DOK6: variants seen among roughly 807,000 people sequenced by gnomAD.
The protein encoded by DOK6 is docking protein 6.
A neutral mutation model predicts 44.0 loss-of-function variants in DOK6; 22 were observed. The ratio of observed to expected loss-of-function variants is 0.50; its 90% CI spans 0.36 to 0.71. The LOEUF (loss-of-function observed/expected upper bound fraction) is 0.71. Ranked by LOEUF, DOK6 falls within the 30% of genes least tolerant of loss-of-function variation. The pLI is 0.00. For synonymous variants in DOK6, 166 were observed against 145.5 expected (o/e 1.14, Z -1.01); for missense variants, 340 against 416.4 (o/e 0.82, Z 1.60).
At chr18:69,585,788 T>C (rs1163666052) in intron 2 of DOK6, among the ~76,000 whole-genome samples, 2 of 152,242 alleles carry the variant, frequency 1.3e-5, no homozygotes, top group Admixed American at 6.5e-5. Context: ...ATAACATTCA[T>C]AGACTGATAC....
chr18:69,595,170 A>T (rs1443684465), intron 2 of DOK6, among the ~76,000 whole-genome samples: 1 of 152,198 alleles, frequency 6.6e-6, no homozygotes, highest in Non-Finnish European at 1.5e-5. Flanking sequence ...TGACCATACT[A>T]CTCAAAGCAA....
intron 1 of DOK6, among the ~76,000 whole-genome samples, chr18:69,563,437 A>G (rs1982889452): frequency 6.6e-6 from 1 of 152,158 alleles, no homozygotes; most frequent in Admixed American, 6.5e-5. Flanking sequence ...TGAAGAAAAT[A>G]TGGCACATAT....
intron 3 of DOK6, among the ~76,000 whole-genome samples, chr18:69,611,495 T>TACACACACACAC (rs58620722): frequency 9.6e-4 from 145 of 150,920 alleles, no homozygotes; most frequent in African/African-American, 3.0e-3. Flanking sequence ...CAAGTACACG[T>TACACACACACAC]ACACACACAC....
intron 7 of DOK6, among the ~76,000 whole-genome samples, chr18:69,765,393 G>T (rs1979686478): frequency 6.6e-6 from 1 of 152,130 alleles, no homozygotes. Context: ...CTTAAGAAAG[G>T]TATGTCAAAG....
intron 1 of DOK6, among the ~76,000 whole-genome samples, chr18:69,537,395 C>T (rs1327373795): frequency 6.6e-6 from 1 of 152,266 alleles, no homozygotes; most frequent in African/African-American, 2.4e-5. Flanking sequence ...ACGGCCCTTT[C>T]TTCAGTGAGT....
rs192664961 is a variant in DOK6, at chr18:69,497,165, C to T, written c.67-67322C>T. Among the ~76,000 whole-genome samples the T allele has an allele frequency of 4.3e-4, 65 of 152,226 alleles. 1 individual carries two copies. In the South Asian group the frequency reaches 0.013, roughly 30 times the overall value. ...TGCAGATTAGGGTAAATATGTAATCCTTCTAAAATATTGCCTGGAAAGCTA... is the reference window on the plus strand; with the variant it reads ...TGCAGATTAGGGTAAATATGTAATCTTTCTAAAATATTGCCTGGAAAGCTA... On this transcript the variant is annotated intron_variant, in intron 1 of 7. Transcript: ENST00000382713.
rs562410324 is a variant in DOK6 at position 69,695,373 on chromosome 18, G to A, written c.410-3031G>A. 5.3e-5 allele frequency among the ~76,000 whole-genome samples: 8 copies of A among 152,288 alleles called. No homozygotes were observed. The East Asian group carries it at 5.8e-4, about 11-fold the overall frequency. Reference sequence around the variant, plus strand: ...ACCAGTGGTATAGGAAATAAAAACCGAACATGGGTTCTTAAATTTAAAAAG... The same window carrying A: ...ACCAGTGGTATAGGAAATAAAAACCAAACATGGGTTCTTAAATTTAAAAAG... On this transcript the variant is annotated intron_variant, in intron 4 of 7. Coordinates refer to ENST00000382713, the MANE Select transcript of DOK6 (RefSeq NM_152721.6).
At chr18:69,618,845 G>C (rs1269549218) in intron 3 of DOK6, among the ~76,000 whole-genome samples, 1 of 152,040 alleles carries the variant, frequency 6.6e-6, no homozygotes, top group Non-Finnish European at 1.5e-5. Flanking sequence ...ACTTTGTTTT[G>C]AACACAAGTG....
At chr18:69,580,920 G>T (rs1054919546) in intron 2 of DOK6, among the ~76,000 whole-genome samples, 1 of 152,026 alleles carries the variant, frequency 6.6e-6, no homozygotes, top group African/African-American at 2.4e-5. Flanking sequence ...CAGTGAGAAC[G>T]TGTGGTATTA....
intron 1 of DOK6, among the ~76,000 whole-genome samples, chr18:69,428,532 A>C (rs542248237): frequency 1.6e-4 from 25 of 152,194 alleles, no homozygotes; most frequent in Non-Finnish European, 2.9e-4. Context: ...TTGGGCCCCA[A>C]TAAGGATTAA....
chr18:69,725,660 G>A (rs1293102860), intron 5 of DOK6, among the ~76,000 whole-genome samples: 1 of 152,008 alleles, frequency 6.6e-6, no homozygotes, highest in Non-Finnish European at 1.5e-5. Context: ...GCCAATTTTT[G>A]TATTTTTAGT....
chr18:69,577,270 T>C (rs1680626546), intron 2 of DOK6, among the ~76,000 whole-genome samples: 1 of 152,162 alleles, frequency 6.6e-6, no homozygotes, highest in Non-Finnish European at 1.5e-5. Flanking sequence ...TACCCTCATT[T>C]TGATTCCACG....
intron 1 of DOK6, among the ~76,000 whole-genome samples, chr18:69,430,138 A>G (rs1978762525): frequency 6.6e-6 from 1 of 152,160 alleles, no homozygotes; most frequent in African/African-American, 2.4e-5. Flanking sequence ...CCTGTGTTGG[A>G]AGGTCTAGGA....
In DOK6 at chr18:69,841,863, C is replaced by T. The variant is rs184500581; in HGVS notation, c.*480C>T. 1.3e-5 allele frequency: 2 copies of T among 157,452 alleles called. No individual in the cohort carries two copies. Among genetic ancestry groups the T allele is most frequent in the Admixed American group, 6.1e-5 (1 of 16,462 alleles). 9.8% of individuals were successfully genotyped at this position (157,452 alleles called of 1,614,324 possible). A position where few individuals can be genotyped will look rare whatever the true frequency, so the allele number is the denominator to read the frequency against. ...ATACAGTAAGCTCTGCAAATGACAT[C>T]GTAGCTGCATATAAATAAACCCAGT... is the stretch of plus-strand genomic sequence containing the variant. On this transcript the variant is annotated 3_prime_UTR_variant, in exon 8 of 8. Coordinates refer to ENST00000382713, the MANE Select transcript of DOK6 (RefSeq NM_152721.6).
At chr18:69,622,381 T>C (rs1443555134) in intron 3 of DOK6, among the ~76,000 whole-genome samples, 1 of 152,234 alleles carries the variant, frequency 6.6e-6, no homozygotes, top group African/African-American at 2.4e-5. Flanking sequence ...TTTTGATAAC[T>C]ATTATTTCTT....
At chr18:69,620,109 T>G (rs951538663) in intron 3 of DOK6, among the ~76,000 whole-genome samples, 5 of 152,274 alleles carry the variant, frequency 3.3e-5, no homozygotes, top group African/African-American at 1.2e-4. Context: ...CGTATGCTTT[T>G]AATACAATTA....
chr18:69,461,076 C>T (rs907176749), intron 1 of DOK6, among the ~76,000 whole-genome samples: 2 of 152,128 alleles, frequency 1.3e-5, no homozygotes, highest in Non-Finnish European at 2.9e-5. Context: ...GCACTGACAT[C>T]TTTGTCATTA....
At chr18:69,725,779 G>A (rs551186796) in intron 5 of DOK6, among the ~76,000 whole-genome samples, 3 of 152,162 alleles carry the variant, frequency 2.0e-5, no homozygotes, top group Admixed American at 6.5e-5. Flanking sequence ...GAGCCACCCC[G>A]CCCACCCCTG....
At chr18:69,515,470 C>T (rs1472786689) in intron 1 of DOK6, among the ~76,000 whole-genome samples, 1 of 152,132 alleles carries the variant, frequency 6.6e-6, no homozygotes, top group East Asian at 1.9e-4. Flanking sequence ...TCTGGGCCAC[C>T]TGAGAGTGTC....
Sources: allele counts gnomAD v4.1 joint callset (sites outside exome capture counted in the v4.1 genomes callset), GRCh38; gene constraint gnomAD v4.1.1; transcripts MANE v1.5; gene names NCBI Gene and HGNC (gene_info 2026-07-23, HGNC 2026-07-21).